Variants in AGO2 observed in about 807,000 individuals in gnomAD.
AGO2 encodes protein argonaute-2.
AGO2 carries 5 observed loss-of-function variants against 102.3 expected under a neutral mutation model. The ratio of observed to expected loss-of-function variants is 0.05; its 90% CI spans 0.03 to 0.10. AGO2 has a LOEUF of 0.10. AGO2 is among the 10% of genes least tolerant of loss of function. The pLI, the probability that AGO2 is intolerant of heterozygous loss-of-function variation, is 1.00. For synonymous variants in AGO2, 449 were observed against 473.1 expected (o/e 0.95, Z 0.66); for missense variants, 541 against 1,183.7 (o/e 0.46, Z 7.97).
the AGO2 span, among the ~76,000 whole-genome samples, chr8:140,641,493 T>TA: frequency 6.6e-6 from 1 of 152,204 alleles, no homozygotes; most frequent in African/African-American, 2.4e-5. Context: ...TTTGAAATAA[T>TA]ATACTGATAC....
intron 1 of AGO2, among the ~76,000 whole-genome samples, chr8:140,616,137 A>G (rs2074140644): frequency 6.6e-6 from 1 of 152,170 alleles, no homozygotes. Flanking sequence ...CCCACACCCC[A>G]TAGTCTGTGC....
chr8:140,556,342 G>A, intron 8 of AGO2, 56 bp from the exon 9 acceptor site: 2 of 1,599,236 alleles, frequency 1.3e-6, no homozygotes, highest in Non-Finnish European at 8.5e-7. Context: ...GACCAGGGGA[G>A]CAGGCAGGGG....
At chr8:140,595,618 A>ATATATATAT (rs1342676185) in intron 1 of AGO2, among the ~76,000 whole-genome samples, 3 of 6,544 alleles carry the variant, frequency 4.6e-4, no homozygotes, top group African/African-American at 1.3e-3. Flanking sequence ...TATATATAAT[A>ATATATATAT]TATATATATA....
At chr8:140,607,458 T>TTATA (rs1167371585) in intron 1 of AGO2, among the ~76,000 whole-genome samples, 7 of 69,590 alleles carry the variant, frequency 1.0e-4, no homozygotes, top group Non-Finnish European at 1.4e-4. Context: ...TAAAGAAAAA[T>TTATA]TATATATATA....
In AGO2 at chr8:140,573,345, A is replaced by AT. The variant is rs908118086; in HGVS notation, c.216-414dup. On this transcript the variant is annotated intron_variant, in intron 2 of 18. Transcript: ENST00000220592. ...CCACCACACTTGGCTAATTTTTTGTATTTTTTTTTTTTTAGTAGATACAAG... is the reference window on the plus strand; with the variant it reads ...CCACCACACTTGGCTAATTTTTTGTATTTTTTTTTTTTTTAGTAGATACAAG... Among the ~76,000 whole-genome samples, 1,062 of 140,350 alleles carry AT rather than the reference A, an allele frequency of 7.6e-3. 8 individuals are homozygous for AT. Among genetic ancestry groups the AT allele is most frequent in the Middle Eastern group, 0.072 (20 of 276 alleles). The allele number at this position is 140,350 out of a possible 152,430, so 92.1% of individuals were successfully genotyped here. A position where few individuals can be genotyped will look rare whatever the true frequency, so the allele number is the denominator to read the frequency against.
At chr8:140,584,383 C>T (rs868482239) in intron 2 of AGO2, among the ~76,000 whole-genome samples, 4 of 152,102 alleles carry the variant, frequency 2.6e-5, no homozygotes, top group Admixed American at 1.3e-4. Flanking sequence ...GCGGAGCTGA[C>T]GGGAGGAAAA....
intron 16 of AGO2, among the ~76,000 whole-genome samples, chr8:140,539,000 G>A (rs1034400648): frequency 1.3e-5 from 2 of 152,178 alleles, no homozygotes; most frequent in African/African-American, 4.8e-5. Flanking sequence ...CTACCAGGGA[G>A]GCTGACGTGG....
chr8:140,572,658 T>TA (rs1387169929), intron 3 of AGO2, 154 bp downstream of exon 3: 1 of 1,090,952 alleles, frequency 9.2e-7, no homozygotes, highest in East Asian at 2.8e-5. Context: ...AGGTAGTTTT[T>TA]ATGGATCTCA....
chr8:140,558,477 C>T lies in AGO2; in HGVS notation c.878+8G>A, dbSNP rs761014612. Reference sequence around the variant, plus strand: ...AGCCAAGAGAGTCTGAAAGGAAGGGCGTGTTACGTTTGGTGACTGGCGGGC... The same window carrying T: ...AGCCAAGAGAGTCTGAAAGGAAGGGTGTGTTACGTTTGGTGACTGGCGGGC... On this transcript the variant is annotated splice_region_variant and intron_variant, in intron 7 of 18. Transcript: ENST00000220592. 13 of 1,614,114 alleles carry T rather than the reference C, an allele frequency of 8.1e-6. No homozygotes were observed. Among genetic ancestry groups the T allele is most frequent in the Middle Eastern group, 1.6e-4 (1 of 6,062 alleles).
chr8:140,606,310 G>A (rs1450064739), intron 1 of AGO2, among the ~76,000 whole-genome samples: 1 of 152,226 alleles, frequency 6.6e-6, no homozygotes, highest in Non-Finnish European at 1.5e-5. Context: ...CCCACCTACT[G>A]CGAGAGCAAG....
At chr8:140,579,854 A>G (rs1249615197) in intron 2 of AGO2, among the ~76,000 whole-genome samples, 1 of 152,232 alleles carries the variant, frequency 6.6e-6, no homozygotes, top group Non-Finnish European at 1.5e-5. Context: ...AGAGTCACAG[A>G]GCTCTAGGCG....
intron 3 of AGO2, among the ~76,000 whole-genome samples, chr8:140,568,287 G>GGAAAAAAAA (rs545519047): frequency 5.3e-5 from 7 of 132,074 alleles, no homozygotes; most frequent in East Asian, 2.2e-4. Context: ...ATGTCTGGGG[G>GGAAAAAAAA]AAAAAAAAAA....
chr8:140,590,810 C>T (rs531179559), intron 1 of AGO2, among the ~76,000 whole-genome samples: 7 of 152,290 alleles, frequency 4.6e-5, no homozygotes, highest in South Asian at 2.1e-4. Flanking sequence ...TCAGAGAATA[C>T]GTTCTGGGGA....
At chr8:140,626,188 T>C (rs530394986) in intron 1 of AGO2, among the ~76,000 whole-genome samples, 169 of 152,244 alleles carry the variant, frequency 1.1e-3, no homozygotes, top group East Asian at 4.5e-3. Context: ...CCCCAAGAGC[T>C]GTCGGGGTCC....
intron 1 of AGO2, among the ~76,000 whole-genome samples, chr8:140,625,308 G>A (rs1445235248): frequency 5.3e-5 from 8 of 152,102 alleles, no homozygotes; most frequent in Admixed American, 1.3e-4. Flanking sequence ...TTTTCACCAC[G>A]TTAGCCAGGC....
intron 2 of AGO2, among the ~76,000 whole-genome samples, chr8:140,584,488 T>C (rs2073616898): frequency 6.6e-6 from 1 of 152,218 alleles, no homozygotes; most frequent in Admixed American, 6.5e-5. Flanking sequence ...CTCCTAGGTA[T>C]TTATTTAAGA....
At chr8:140,634,238 C>G (rs532020239) in intron 1 of AGO2, among the ~76,000 whole-genome samples, 1 of 152,386 alleles carries the variant, frequency 6.6e-6, no homozygotes. Flanking sequence ...ACGCGACATT[C>G]GCAAGGCACA....
chr8:140,555,953 C>T lies in AGO2; in HGVS notation c.1212G>A (p.Glu404=), dbSNP rs2073088190. 20 of 1,614,246 alleles carry T rather than the reference C, an allele frequency of 1.2e-5. No individual in the cohort carries two copies. The highest frequency in any genetic ancestry group is 1.6e-5 in the Non-Finnish European group (19 of 1,180,048). Reference sequence around the variant, plus strand: ...GCACCCGCCCAGTCACGTCTGTCATCTCATCTTTGACCATGATTCCAAATT... The same window carrying T: ...GCACCCGCCCAGTCACGTCTGTCATTTCATCTTTGACCATGATTCCAAATT... ...VREFGIMVKD[E]MTDVTGRVLQ... is the part of the protein sequence containing the mutation. The change falls in exon 10 of 19, where the codon GAG becomes GAA. Residue 404 remains glutamate (E), a synonymous_variant. Transcript: ENST00000220592.
At chr8:140,562,398 G>A (rs2292774) in intron 4 of AGO2, 55 bp downstream of exon 4, 596,126 of 1,555,524 alleles carry the variant, frequency 0.38, 118,900 homozygotes, top group East Asian at 0.68. Context: ...CCCTGCGGGG[G>A]GCCCTCGGAG....
Sources: allele counts gnomAD v4.1 joint callset (sites outside exome capture counted in the v4.1 genomes callset), GRCh38; gene constraint gnomAD v4.1.1; transcripts MANE v1.5; gene names NCBI Gene and HGNC (gene_info 2026-07-23, HGNC 2026-07-21).